WWOX: variants seen among roughly 807,000 people sequenced by gnomAD.
WWOX encodes WW domain containing oxidoreductase, also known as WW domain-containing oxidoreductase.
WWOX carries 69 observed loss-of-function variants against 46.2 expected under a neutral mutation model. The observed-to-expected ratio is 1.49, with a 90% confidence interval of 1.23 to 1.82. The LOEUF (loss-of-function observed/expected upper bound fraction) is 1.82, where lower values mean the gene tolerates loss of function less well. Ranked by LOEUF, WWOX falls within the 40% of genes most tolerant of loss-of-function variation. WWOX has a pLI of 0.00. For synonymous variants in WWOX, 359 were observed against 202.6 expected (o/e 1.77, Z -6.56); for missense variants, 919 against 542.6 (o/e 1.69, Z -6.89).
intron 8 of WWOX, among the ~76,000 whole-genome samples, chr16:78,649,257 T>A (rs2046912149): frequency 6.6e-6 from 1 of 152,202 alleles, no homozygotes. Flanking sequence ...AGTGCTGGGA[T>A]TACAGGCGTG....
intron 8 of WWOX, among the ~76,000 whole-genome samples, chr16:79,120,123 C>T (rs1033215345): frequency 6.6e-6 from 1 of 152,230 alleles, no homozygotes; most frequent in Non-Finnish European, 1.5e-5. Context: ...TGACCTCCAC[C>T]TGGCAACCTT....
At chr16:78,983,279 G>A (rs115546992) in intron 8 of WWOX, among the ~76,000 whole-genome samples, 1 of 152,170 alleles carries the variant, frequency 6.6e-6, no homozygotes, top group Non-Finnish European at 1.5e-5. Context: ...GAAGTGTCTG[G>A]CCAAGAAGCT....
At chr16:78,325,855 G>T (rs1443670936) in intron 5 of WWOX, among the ~76,000 whole-genome samples, 1 of 152,208 alleles carries the variant, frequency 6.6e-6, no homozygotes, top group Non-Finnish European at 1.5e-5. Flanking sequence ...GGGAGCTTTG[G>T]ATAATGACAA....
intron 5 of WWOX, among the ~76,000 whole-genome samples, chr16:78,204,971 T>C (rs1439343050): frequency 6.6e-6 from 1 of 152,234 alleles, no homozygotes; most frequent in Non-Finnish European, 1.5e-5. Context: ...AATTAAAAGT[T>C]ATTTGGGATA....
chr16:78,691,403 T>C (rs949649825), intron 8 of WWOX: 1 of 649,306 alleles, frequency 1.5e-6, no homozygotes, highest in Non-Finnish European at 2.8e-6. Flanking sequence ...CAGGGTGCTT[T>C]AGAAAACATC....
intron 5 of WWOX, among the ~76,000 whole-genome samples, chr16:78,175,368 C>T (rs1402879840): frequency 6.6e-6 from 1 of 152,200 alleles, no homozygotes; most frequent in Non-Finnish European, 1.5e-5. Context: ...TGATAATTCT[C>T]CTTTCAAGAA....
At chr16:78,305,394 G>C (rs974231355) in intron 5 of WWOX, among the ~76,000 whole-genome samples, 3 of 152,122 alleles carry the variant, frequency 2.0e-5, no homozygotes, top group Admixed American at 2.0e-4. Flanking sequence ...GTAACCTCTG[G>C]ATGAGTCCCT....
chr16:79,211,195 A>G (rs1233972612), intron 8 of WWOX, among the ~76,000 whole-genome samples: 1 of 152,168 alleles, frequency 6.6e-6, no homozygotes, highest in Non-Finnish European at 1.5e-5. Flanking sequence ...GGTTTGTCAG[A>G]CAGAAGGTTC....
At chr16:78,749,114 A>G (rs1216247352) in intron 8 of WWOX, among the ~76,000 whole-genome samples, 1 of 152,210 alleles carries the variant, frequency 6.6e-6, no homozygotes, top group East Asian at 1.9e-4. Context: ...GACCGAGGCT[A>G]TGGTGGCATA....
At position 79,121,041 on chromosome 16, in the gene WWOX, T is replaced by C. The variant is rs141765176; in HGVS notation, c.1057-90567T>C. On this transcript the variant is annotated intron_variant, in intron 8 of 8. Transcript: ENST00000566780. ...GCCTTGGCCTCCCAAAGTGCTGGGA[T>C]TACAGGCGTGAGTCACCATGCCTGG... is the stretch of plus-strand genomic sequence containing the variant. Among the ~76,000 whole-genome samples, 28 of 152,344 alleles carry C rather than the reference T, an allele frequency of 1.8e-4. No individual in the cohort carries two copies. In the East Asian group the frequency reaches 5.2e-3, roughly 28 times the overall value.
chr16:79,083,448 T>C (rs2048798252), intron 8 of WWOX, among the ~76,000 whole-genome samples: 1 of 152,096 alleles, frequency 6.6e-6, no homozygotes, highest in Admixed American at 6.5e-5. Context: ...AGAACAAAGC[T>C]GTGTAAAGTC....
intron 8 of WWOX, among the ~76,000 whole-genome samples, chr16:78,615,782 A>G (rs917247522): frequency 1.3e-5 from 2 of 150,386 alleles, no homozygotes; most frequent in Admixed American, 6.6e-5. Flanking sequence ...GCGGAGTCTC[A>G]CTCTGTTGCC....
At chr16:78,565,233 C>G (rs993085215) in intron 8 of WWOX, among the ~76,000 whole-genome samples, 1 of 152,184 alleles carries the variant, frequency 6.6e-6, no homozygotes, top group East Asian at 1.9e-4. Context: ...AAACAAATTA[C>G]CAAAAACGTA....
At chr16:78,541,186 C>G (rs1025872904) in intron 8 of WWOX, among the ~76,000 whole-genome samples, 1 of 151,956 alleles carries the variant, frequency 6.6e-6, no homozygotes, top group African/African-American at 2.4e-5. Context: ...TAAAAATAGA[C>G]ACGTACGGCC....
intron 8 of WWOX, among the ~76,000 whole-genome samples, chr16:78,563,480 C>A: frequency 6.9e-6 from 1 of 145,342 alleles, no homozygotes; most frequent in East Asian, 2.1e-4. Flanking sequence ...TACGGGCACT[C>A]GTGTGGGTGA....
In WWOX at chr16:78,538,626, C is replaced by G. The variant is rs186586490; in HGVS notation, c.1056+105874C>G. 4.9e-4 allele frequency among the ~76,000 whole-genome samples: 74 copies of G among 152,294 alleles called. 2 individuals carry two copies. In the South Asian group the frequency reaches 9.5e-3, roughly 20 times the overall value. On this transcript the variant is annotated intron_variant, in intron 8 of 8. Coordinates refer to ENST00000566780, the MANE Select transcript of WWOX (RefSeq NM_016373.4). ...GCTGCAGTTTATCATTATATGCCTCCAAAGACTTTGTGTTTCCTATGTTTG... is the reference window on the plus strand; with the variant it reads ...GCTGCAGTTTATCATTATATGCCTCGAAAGACTTTGTGTTTCCTATGTTTG...
At chr16:78,335,908 A>G (rs552341849) in intron 5 of WWOX, among the ~76,000 whole-genome samples, 11 of 152,254 alleles carry the variant, frequency 7.2e-5, no homozygotes, top group African/African-American at 2.6e-4. Flanking sequence ...CCTTGCCAAC[A>G]TGGTGAAACT....
chr16:79,031,470 A>G (rs893405379), intron 8 of WWOX, among the ~76,000 whole-genome samples: 1 of 152,016 alleles, frequency 6.6e-6, no homozygotes, highest in African/African-American at 2.4e-5. Flanking sequence ...TTGTGGGTCC[A>G]TGTTAATGTA....
intron 8 of WWOX, among the ~76,000 whole-genome samples, chr16:79,071,985 C>G (rs1435615150): frequency 1.3e-5 from 2 of 152,100 alleles, no homozygotes; most frequent in African/African-American, 4.8e-5. Context: ...TTTGTATTAG[C>G]TTAAAAATGC....
Sources: allele counts gnomAD v4.1 joint callset (sites outside exome capture counted in the v4.1 genomes callset), GRCh38; gene constraint gnomAD v4.1.1; transcripts MANE v1.5; gene names NCBI Gene and HGNC (gene_info 2026-07-23, HGNC 2026-07-21).